Variants in USP54 observed in about 807,000 individuals in gnomAD.
USP54 encodes the protein ubiquitin specific peptidase 54.
In USP54, 87 loss-of-function variants were observed where a neutral mutation model predicts 170.5. The observed-to-expected ratio is 0.51, with a 90% CI of 0.43 to 0.61. The LOEUF (loss-of-function observed/expected upper bound fraction) is 0.61. USP54 is among the 20% of genes least tolerant of loss of function. The pLI is 0.00. For missense variants in USP54, 1,786 were observed against 2,047.8 expected (o/e 0.87, Z 2.47); for synonymous variants, 655 against 742.8 (o/e 0.88, Z 1.92).
intron 20 of USP54, chr10:73,506,176 T>G (rs932472510): frequency 2.0e-5 from 3 of 152,222 alleles, no homozygotes; most frequent in Non-Finnish European, 4.4e-5. Context: ...GTTTAGTAGT[T>G]TAACCAGGAT....
intron 1 of USP54, among the ~76,000 whole-genome samples, chr10:73,597,724 T>C (rs1468945280): frequency 6.6e-6 from 1 of 152,218 alleles, no homozygotes; most frequent in African/African-American, 2.4e-5. Context: ...CCTGTCTTGA[T>C]AAATCAGCTG....
intron 1 of USP54, among the ~76,000 whole-genome samples, chr10:73,578,286 G>A (rs993154773): frequency 2.2e-4 from 33 of 152,202 alleles, no homozygotes; most frequent in Non-Finnish European, 1.3e-4. Context: ...CACTTAAATT[G>A]TAGATATAGC....
At chr10:73,501,913 C>A (rs958881117) in intron 22 of USP54, among the ~76,000 whole-genome samples, 10 of 152,326 alleles carry the variant, frequency 6.6e-5, no homozygotes, top group African/African-American at 2.4e-4. Context: ...CACTACCCTA[C>A]TATCAGGAAT....
upstream of USP54, among the ~76,000 whole-genome samples, chr10:73,594,413 G>C (rs544089730): frequency 7.4e-6 from 1 of 134,860 alleles, no homozygotes; most frequent in Non-Finnish European, 1.5e-5. Context: ...CAAAATTTGG[G>C]AACTTTTTAA....
intron 4 of USP54, among the ~76,000 whole-genome samples, chr10:73,556,434 C>G (rs552141412): frequency 6.6e-6 from 1 of 151,274 alleles, no homozygotes; most frequent in African/African-American, 2.4e-5. Context: ...GCAACCTCCA[C>G]CTCCCAGGTT....
intron 20 of USP54, among the ~76,000 whole-genome samples, chr10:73,507,930 G>A (rs1442559167): frequency 6.6e-6 from 1 of 152,130 alleles, no homozygotes; most frequent in African/African-American, 2.4e-5. Context: ...GGTGGAAGCT[G>A]CAGTGAGCCG....
rs1263435994 is a variant in USP54, at chr10:73,528,572, CT to C, written c.2060+1107del. 6.6e-3 allele frequency among the ~76,000 whole-genome samples: 944 copies of C among 142,020 alleles called. 3 individuals carry two copies. Among genetic ancestry groups the C allele is most frequent in the African/African-American group, 0.017 (656 of 39,042 alleles). The allele number at this position is 142,020 out of a possible 152,430, so 93.2% of individuals were successfully genotyped here. On this transcript the variant is annotated intron_variant, in intron 15 of 23. Coordinates refer to ENST00000687698, the MANE Select transcript of USP54 (RefSeq NM_001391956.1). Reference sequence around the variant, plus strand: ...CGGCAGGCCTAGTCCGTTTTTGTTTCTTTTTTTTTTTTTTGAGATGGAGCCT... The same window carrying C: ...CGGCAGGCCTAGTCCGTTTTTGTTTCTTTTTTTTTTTTTGAGATGGAGCCT...
intron 4 of USP54, among the ~76,000 whole-genome samples, chr10:73,569,698 G>A (rs533852806): frequency 7.4e-5 from 11 of 149,594 alleles, no homozygotes; most frequent in Non-Finnish European, 1.3e-4. Flanking sequence ...GTTGCGGTGA[G>A]CCAAGACCAC....
At chr10:73,526,497 T>A in intron 16 of USP54, 150 bp downstream of exon 16, 1 of 1,094,274 alleles carries the variant, frequency 9.1e-7, no homozygotes, top group Non-Finnish European at 1.3e-6. Flanking sequence ...TCTGCCTGCC[T>A]CGGCCTCCCA....
upstream of USP54, among the ~76,000 whole-genome samples, chr10:73,593,466 A>G (rs1230272717): frequency 1.3e-5 from 2 of 152,080 alleles, no homozygotes; most frequent in Admixed American, 6.6e-5. Flanking sequence ...AGAGTGATAC[A>G]TAGTGTTTCA....
At chr10:73,601,441 A>G (rs1361816584) in intron 1 of USP54, among the ~76,000 whole-genome samples, 2 of 152,104 alleles carry the variant, frequency 1.3e-5, no homozygotes, top group African/African-American at 4.8e-5. Context: ...GAAAGACTGA[A>G]TGTGTATGTC....
chr10:73,572,392 A>C (rs1275893470), intron 3 of USP54, among the ~76,000 whole-genome samples: 2 of 152,204 alleles, frequency 1.3e-5, no homozygotes, highest in African/African-American at 4.8e-5. Context: ...TTTTAGTTAA[A>C]AAAGAAATGA....
intron 4 of USP54, among the ~76,000 whole-genome samples, chr10:73,550,203 C>A (rs12784753): frequency 1.3e-5 from 2 of 152,180 alleles, no homozygotes; most frequent in Non-Finnish European, 2.9e-5. Context: ...GGATAACAGG[C>A]GTGGGCCACC....
intron 16 of USP54, among the ~76,000 whole-genome samples, chr10:73,526,160 G>C (rs1194130588): frequency 3.3e-5 from 5 of 152,196 alleles, no homozygotes; most frequent in African/African-American, 9.6e-5. Context: ...CATGCAGGCT[G>C]TGATGGAGAA....
chr10:73,575,467 C>T (rs765203670), intron 3 of USP54, 45 bp downstream of exon 3: 9 of 1,545,894 alleles, frequency 5.8e-6, no homozygotes, highest in Non-Finnish European at 7.8e-6. Flanking sequence ...ACAGCATCAG[C>T]AATTAAAAGT....
chr10:73,535,500 G>A (rs16930681), intron 11 of USP54, among the ~76,000 whole-genome samples: 22,870 of 151,802 alleles, frequency 0.15, 2,796 homozygotes, highest in African/African-American at 0.32. Flanking sequence ...GATCCAGAAG[G>A]GTAAAATAAT....
chr10:73,609,215 G>A (rs1353846003), intron 1 of USP54, among the ~76,000 whole-genome samples: 2 of 152,194 alleles, frequency 1.3e-5, no homozygotes, highest in Non-Finnish European at 2.9e-5. Context: ...TAAACAAGGA[G>A]TTGAAAGAAA....
At chr10:73,503,301 G>C (rs977698005) in intron 22 of USP54, among the ~76,000 whole-genome samples, 5 of 152,138 alleles carry the variant, frequency 3.3e-5, no homozygotes, top group Non-Finnish European at 5.9e-5. Context: ...TGTTCCCATA[G>C]GATCAAATCC....
At chr10:73,554,282 A>C (rs1193177240) in intron 4 of USP54, among the ~76,000 whole-genome samples, 1 of 152,224 alleles carries the variant, frequency 6.6e-6, no homozygotes, top group Non-Finnish European at 1.5e-5. Context: ...AAGGTGTGAC[A>C]AACTTTACAC....
Sources: allele counts gnomAD v4.1 joint callset (sites outside exome capture counted in the v4.1 genomes callset), GRCh38; gene constraint gnomAD v4.1.1; transcripts MANE v1.5; gene names NCBI Gene and HGNC (gene_info 2026-07-23, HGNC 2026-07-21).